The following HHAT variants were observed in gnomAD, a reference collection of about 807,000 sequenced individuals.
HHAT encodes protein-cysteine N-palmitoyltransferase HHAT.
A neutral mutation model predicts 70.8 loss-of-function variants in HHAT; 47 were observed. That is an observed-to-expected ratio of 0.66 (90% CI 0.53 to 0.85). The LOEUF is 0.85. HHAT is among the 40% of genes least tolerant of loss of function. The pLI is 0.00. For missense variants in HHAT, 609 were observed against 604.8 expected (o/e 1.01, Z -0.07); for synonymous variants, 228 against 247.6 (o/e 0.92, Z 0.74).
intron 10 of HHAT, among the ~76,000 whole-genome samples, chr1:210,593,114 G>A (rs1662132990): frequency 6.6e-6 from 1 of 151,954 alleles, no homozygotes; most frequent in Non-Finnish European, 1.5e-5. Flanking sequence ...CCACCTATAA[G>A]TGAGAACATG....
chr1:210,337,780 A>C (rs2085634290), intron 1 of HHAT, among the ~76,000 whole-genome samples: 1 of 152,158 alleles, frequency 6.6e-6, no homozygotes, highest in Admixed American at 6.5e-5. Context: ...AAGGCAACAT[A>C]GTCACGGTTC....
intron 9 of HHAT, among the ~76,000 whole-genome samples, chr1:210,518,860 G>A (rs538857735): frequency 1.3e-5 from 2 of 152,164 alleles, no homozygotes; most frequent in Admixed American, 6.6e-5. Context: ...GTGGTCTTCC[G>A]TATGTCCAGA....
chr1:210,472,171 A>T (rs1252262932), intron 8 of HHAT, among the ~76,000 whole-genome samples: 1 of 152,238 alleles, frequency 6.6e-6, no homozygotes, highest in African/African-American at 2.4e-5. Context: ...ACACTCAAGT[A>T]TAATTTATTC....
At chr1:210,473,285 A>G (rs918127145) in intron 8 of HHAT, among the ~76,000 whole-genome samples, 1 of 152,130 alleles carries the variant, frequency 6.6e-6, no homozygotes, top group African/African-American at 2.4e-5. Flanking sequence ...TTGTCTTAAG[A>G]TCTCTGTTTT....
intron 3 of HHAT, among the ~76,000 whole-genome samples, chr1:210,375,142 G>C (rs995176031): frequency 6.6e-6 from 1 of 151,378 alleles, no homozygotes; most frequent in Non-Finnish European, 1.5e-5. Flanking sequence ...TATCACATGT[G>C]TAGATTCATG....
intron 8 of HHAT, among the ~76,000 whole-genome samples, chr1:210,469,327 C>G (rs900511747): frequency 6.6e-6 from 1 of 152,102 alleles, no homozygotes; most frequent in Admixed American, 6.5e-5. Context: ...AAACTAGGAA[C>G]ACCATCTTGT....
chr1:210,442,099 T>C (rs1212412866), intron 7 of HHAT, among the ~76,000 whole-genome samples: 3 of 140,380 alleles, frequency 2.1e-5, no homozygotes, highest in African/African-American at 7.7e-5. Context: ...GAATATGCAG[T>C]GTTTGGTTTT....
intron 6 of HHAT, among the ~76,000 whole-genome samples, chr1:210,413,905 C>T (rs1366744748): frequency 6.6e-6 from 1 of 152,222 alleles, no homozygotes; most frequent in African/African-American, 2.4e-5. Context: ...CATGCACCTC[C>T]AAACTCTTCC....
At chr1:210,441,860 TTTA>T (rs543030451) in intron 7 of HHAT, among the ~76,000 whole-genome samples, 222 of 152,082 alleles carry the variant, frequency 1.5e-3, no homozygotes, top group African/African-American at 5.2e-3. Context: ...ACACTTTTTT[TTTA>T]TTATACTTTA....
At chr1:210,648,561 AT>A (rs761965805) in intron 11 of HHAT, among the ~76,000 whole-genome samples, 27 of 151,922 alleles carry the variant, frequency 1.8e-4, no homozygotes, top group Admixed American at 3.3e-4. Context: ...GAGGTCTTAA[AT>A]TTTTTCCTCC....
chr1:210,455,653 C>T (rs563491240), intron 7 of HHAT, among the ~76,000 whole-genome samples: 1 of 152,198 alleles, frequency 6.6e-6, no homozygotes, highest in African/African-American at 2.4e-5. Context: ...TTTCTGTGCC[C>T]AGGTTCCTAT....
rs889666030 is a variant in HHAT, at chr1:210,562,657, C to CT, written c.1044-25231dup. Among the ~76,000 whole-genome samples the CT allele has an allele frequency of 7.1e-3, 959 of 135,672 alleles. 10 individuals carry two copies. Among genetic ancestry groups the CT allele is most frequent in the Admixed American group, 0.026 (368 of 14,194 alleles). 89.0% of individuals were successfully genotyped at this position (135,672 alleles called of 152,430 possible). Reference sequence around the variant, plus strand: ...TTCCTGTGGTGGGTTTTTTTCTTTTCTTTTTTTTTTATTATACTTTAAGTT... The same window carrying CT: ...TTCCTGTGGTGGGTTTTTTTCTTTTCTTTTTTTTTTTATTATACTTTAAGTT... On this transcript the variant is annotated intron_variant, in intron 9 of 11. Coordinates refer to ENST00000261458, the MANE Select transcript of HHAT (RefSeq NM_018194.6).
chr1:210,331,580 C>A (rs1447181530), intron 1 of HHAT, among the ~76,000 whole-genome samples: 1 of 152,136 alleles, frequency 6.6e-6, no homozygotes, highest in Non-Finnish European at 1.5e-5. Flanking sequence ...CTTCCCAGTT[C>A]GGGTGTCTTT....
chr1:210,630,471 T>C (rs887300556), intron 11 of HHAT, among the ~76,000 whole-genome samples: 2 of 152,332 alleles, frequency 1.3e-5, no homozygotes, highest in East Asian at 3.9e-4. Flanking sequence ...TGAATCTCCC[T>C]GTCAAAAGAA....
intron 7 of HHAT, among the ~76,000 whole-genome samples, chr1:210,421,234 A>G (rs1255063867): frequency 8.1e-6 from 1 of 124,148 alleles, no homozygotes; most frequent in Non-Finnish European, 1.8e-5. Context: ...ACCTCAAAAT[A>G]TACTACAAAG....
At chr1:210,361,771 TG>T (rs2088344838) in intron 2 of HHAT, among the ~76,000 whole-genome samples, 1 of 152,260 alleles carries the variant, frequency 6.6e-6, no homozygotes, top group African/African-American at 2.4e-5. Flanking sequence ...GCCATTCTGG[TG>T]GTTTTGTCCC....
At chr1:210,498,044 C>T (rs931685256) in intron 8 of HHAT, among the ~76,000 whole-genome samples, 11 of 152,200 alleles carry the variant, frequency 7.2e-5, no homozygotes, top group Admixed American at 1.3e-4. Context: ...CATGAGCCAC[C>T]GAGCCCGGCC....
chr1:210,372,539 A>G (rs549710175), intron 3 of HHAT, among the ~76,000 whole-genome samples: 1 of 152,158 alleles, frequency 6.6e-6, no homozygotes, highest in Middle Eastern at 3.2e-3. Flanking sequence ...TTAGGTAGGG[A>G]AGTACAAAAC....
rs532505682 is a variant in HHAT at position 210,673,164 on chromosome 1, C to T, written c.1391-1124C>T. 5.0e-4 allele frequency among the ~76,000 whole-genome samples: 76 copies of T among 152,258 alleles called. 1 individual carries two copies. The South Asian group carries it at 0.015, about 30-fold the overall frequency. ...ACCCTTTCCCTCTTGGCTGCTGGCG[C>T]CTTCCTGTCTCATTGCCAAGGACAA... On this transcript the variant is annotated intron_variant, in intron 11 of 11. Transcript: ENST00000261458.
Sources: gnomAD v4.1 joint callset for allele counts (sites outside exome capture counted in the v4.1 genomes callset) on GRCh38, gnomAD v4.1.1 for gene constraint, MANE v1.5 for transcripts, NCBI Gene and HGNC (gene_info 2026-07-23, HGNC 2026-07-21) for gene names.